The following KCNK16 variants were observed in gnomAD, a reference collection of about 807,000 sequenced individuals.
KCNK16 encodes potassium channel subfamily K member 16.
A neutral mutation model predicts 23.0 loss-of-function variants in KCNK16; 23 were observed. The ratio of observed to expected loss-of-function variants is 1.00; its 90% CI spans 0.72 to 1.41. The LOEUF is 1.41. Ranked by LOEUF, KCNK16 falls within the 40% of genes most tolerant of loss-of-function variation. The pLI, the probability that KCNK16 is intolerant of heterozygous loss-of-function variation, is 0.00. For synonymous variants in KCNK16, 145 were observed against 153.5 expected, an observed-to-expected ratio of 0.94 and a Z score of 0.41; for missense variants, 327 against 365.8, an observed-to-expected ratio of 0.89 and a Z score of 0.87.
downstream of KCNK16, chr6:39,315,279 G>A: frequency 4.4e-6 from 7 of 1,579,992 alleles, no homozygotes; most frequent in Non-Finnish European, 6.0e-6. Context: ...GCCAGACCTG[G>A]AGAATGCATT....
rs1324848111 is a variant in KCNK16, at chr6:39,319,399, C to G, written c.214-266G>C. Among the ~76,000 whole-genome samples, 3 of 152,076 alleles carry G rather than the reference C, an allele frequency of 2.0e-5. No homozygotes were observed. The highest frequency in any genetic ancestry group is 4.4e-5 in the Non-Finnish European group (3 of 68,022). ...CTGAGGTGTGGGCTGCAAGCATGGG[C>G]TGGGGCGGGAGATGGGCCTGAGGGG... is the stretch of plus-strand genomic sequence containing the variant. On this transcript the variant is annotated intron_variant, in intron 1 of 4. Transcript: ENST00000437525. This position sits in a 1 kb window ranked among gnomAD's most constrained non-coding sequence, Gnocchi z 4.2.
intron 1 of KCNK16, among the ~76,000 whole-genome samples, chr6:39,321,294 G>A (rs1299441451): frequency 6.6e-6 from 1 of 152,232 alleles, no homozygotes; most frequent in South Asian, 2.1e-4. Context: ...GCTAATTTGT[G>A]TGGTGAAGAC....
downstream of KCNK16, chr6:39,315,275 C>T: frequency 6.3e-7 from 1 of 1,584,346 alleles, no homozygotes; most frequent in Non-Finnish European, 8.6e-7. Context: ...AAAGGCCAGA[C>T]CTGGAGAATG....
chr6:39,318,362 C>T (rs1762402531), intron 2 of KCNK16, among the ~76,000 whole-genome samples: 2 of 152,174 alleles, frequency 1.3e-5, no homozygotes, highest in South Asian at 4.1e-4. Context: ...CCCCCAACTC[C>T]ATCACTCTGC....
rs770475707 is a variant in KCNK16, at chr6:39,317,883, A to G, written c.398T>C (p.Ile133Thr). 6.2e-7 allele frequency: 1 copy of G among 1,613,876 alleles called. No homozygotes were observed. The highest frequency in any genetic ancestry group is 1.3e-5 in the African/African-American group (1 of 75,030). ...VFCVFYALLGIPLNVIFLNHL... is the reference protein window; with the variant it reads ...VFCVFYALLGTPLNVIFLNHL... ...GTTGAGGAAGATCACGTTAAGCGGGATGCCCAACAGGGCATAGAAGACACA... is the reference window on the plus strand; with the variant it reads ...GTTGAGGAAGATCACGTTAAGCGGGGTGCCCAACAGGGCATAGAAGACACA... The change falls in exon 3 of 5, where the codon ATC (isoleucine) becomes ACC (threonine). Residue 133 changes from isoleucine to threonine, a missense_variant. By Grantham distance (89) the Ile-to-Thr change is moderately conservative. Transcript: ENST00000437525.
At chr6:39,320,876 C>T (rs1278938784) in intron 1 of KCNK16, among the ~76,000 whole-genome samples, 3 of 152,202 alleles carry the variant, frequency 2.0e-5, no homozygotes, top group Non-Finnish European at 2.9e-5. Context: ...AGGGCCTCTG[C>T]CTTACTCCCA....
Position 39,319,679 on chromosome 6 carries a change from T to C in KCNK16, c.214-546A>G, listed in dbSNP as rs1562090969. On this transcript the variant is annotated intron_variant, in intron 1 of 4. Coordinates refer to ENST00000437525, the MANE Select transcript of KCNK16 (RefSeq NM_001135106.2). The surrounding 1 kb of genome is among the most constrained non-coding windows in gnomAD (Gnocchi z 4.2). Reference sequence around the variant, plus strand: ...GGCACCCTTGCTCTTTGCTGCTCTCTAGTGAGCCTCAGCCCTTGCCTATGG... The same window carrying C: ...GGCACCCTTGCTCTTTGCTGCTCTCCAGTGAGCCTCAGCCCTTGCCTATGG... 6.6e-6 allele frequency among the ~76,000 whole-genome samples: 1 copy of C among 151,998 alleles called. No individual in the cohort carries two copies. The highest frequency in any genetic ancestry group is 1.9e-4 in the East Asian group (1 of 5,192).
Position 39,316,377 on chromosome 6 carries a change from C to T in KCNK16, c.727G>A (p.Gly243Ser). 4 of 1,612,838 alleles carry T rather than the reference C, an allele frequency of 2.5e-6. No homozygotes were observed. Among genetic ancestry groups the T allele is most frequent in the Non-Finnish European group, 3.4e-6 (4 of 1,179,552 alleles). Residue 243 changes from glycine to serine, a missense_variant, in exon 5 of 5, where the codon GGC (glycine) becomes AGC (serine). Transcript: ENST00000437525. ...AGGATCAGCGCCAGCCACGCCAGGC[C>T]CAGGAGGATCCAGATGGCTGCCAGG... Reference protein sequence around the residue: ...RSLAAIWILLGLAWLALILPL... With the variant: ...RSLAAIWILLSLAWLALILPL...
At chr6:39,322,742 A>C (rs1055126372), upstream of KCNK16, 5 of 758,816 alleles carry the variant, frequency 6.6e-6, no homozygotes, top group East Asian at 1.1e-4. Context: ...CTGTGAGTGC[A>C]AACAGGCCGG....
intron 3 of KCNK16, among the ~76,000 whole-genome samples, 172 bp from the exon 4 acceptor site, chr6:39,317,119 C>G (rs1762347749): frequency 6.6e-6 from 1 of 152,208 alleles, no homozygotes; most frequent in Non-Finnish European, 1.5e-5. Context: ...GACCTTGTCC[C>G]ACCCAGGGAA....
chr6:39,320,567 A>G (rs1380840333), intron 1 of KCNK16, among the ~76,000 whole-genome samples: 1 of 152,162 alleles, frequency 6.6e-6, no homozygotes, highest in East Asian at 1.9e-4. Context: ...GTTCAACAGG[A>G]ATGTGTCTTC....
upstream of KCNK16, chr6:39,322,846 G>GTC (rs777253670): frequency 5.6e-5 from 21 of 374,298 alleles, no homozygotes; most frequent in East Asian, 1.3e-4. Context: ...AGTGCTTCAT[G>GTC]TCTCTCTCTC....
intron 4 of KCNK16, 133 bp from the exon 5 acceptor site, chr6:39,316,575 C>T: frequency 1.6e-6 from 2 of 1,266,408 alleles, no homozygotes; most frequent in Non-Finnish European, 2.2e-6. Context: ...TGAGGTAGGT[C>T]TCTGCAGGGT....
chr6:39,315,158 G>GC, downstream of KCNK16: 1 of 1,614,250 alleles, frequency 6.2e-7, no homozygotes. Context: ...CCACATAGGA[G>GC]CCCACTTGCT....
Position 39,317,946 on chromosome 6 carries a change from C to G in KCNK16, c.335G>C (p.Gly112Ala). ...TGCCTCTGTGCTGGGTGCCAGGTTC[C>G]CATATCCTGCAAGGGAAGGGGGGCG... ...AGTVVTTIGY[G>A]NLAPSTEAGQ... Residue 112 changes from glycine (G) to alanine (A), a missense_variant, in exon 3 of 5, where the codon GGG becomes GCG. Coordinates refer to ENST00000437525, the MANE Select transcript of KCNK16 (RefSeq NM_001135106.2). 1 of 1,603,206 alleles carries G rather than the reference C, an allele frequency of 6.2e-7. No homozygotes were observed. Among genetic ancestry groups the G allele is most frequent in the Non-Finnish European group, 8.5e-7 (1 of 1,173,740 alleles).
upstream of KCNK16, chr6:39,322,754 C>A (rs571103235): frequency 3.1e-6 from 2 of 635,360 alleles, no homozygotes; most frequent in African/African-American, 1.8e-5. Context: ...ACAGGCCGGC[C>A]ACCCCCACCC....
chr6:39,322,315 C>A lies in KCNK16; in HGVS notation c.213+13G>T. 6.2e-7 allele frequency: 1 copy of A among 1,606,482 alleles called. No homozygotes were observed. The highest frequency in any genetic ancestry group is 1.3e-5 in the African/African-American group (1 of 74,920). ...AAGCCTCTCCATCCCAATCCCACATCGCTCCCCTTCACCTGCACAAACTGC... is the reference window on the plus strand; with the variant it reads ...AAGCCTCTCCATCCCAATCCCACATAGCTCCCCTTCACCTGCACAAACTGC... On this transcript the variant is annotated intron_variant, in intron 1 of 4. Coordinates refer to ENST00000437525, the MANE Select transcript of KCNK16 (RefSeq NM_001135106.2).
rs112232325 is a variant in KCNK16, at chr6:39,322,396, A to G, written c.145T>C (p.Leu49=). The stretch of plus-strand genomic sequence containing the variant: ...TTCTCCAGGAAGCGCAGCTTCTCCA[A>G]CTGAAACTGGTCCCTGGACTGAGCC... The part of the protein sequence containing the change: ...AEAQSRDQFQ[L]EKLRFLENYT... The change falls in exon 1 of 5, where the codon TTG becomes CTG. Residue 49 remains leucine (L), a synonymous_variant. Transcript: ENST00000437525. The G allele has an allele frequency of 6.2e-6, 10 of 1,614,000 alleles. No individual in the cohort carries two copies. The highest frequency in any genetic ancestry group is 8.5e-6 in the Non-Finnish European group (10 of 1,180,026).
intron 1 of KCNK16, among the ~76,000 whole-genome samples, chr6:39,321,307 G>A (rs1011607489): frequency 1.3e-5 from 2 of 152,210 alleles, no homozygotes; most frequent in Non-Finnish European, 2.9e-5. Flanking sequence ...GTGAAGACCC[G>A]GGGCTCCAGA....
Sources: allele counts gnomAD v4.1 joint callset (sites outside exome capture counted in the v4.1 genomes callset), GRCh38; gene constraint gnomAD v4.1.1; non-coding constraint Gnocchi (gnomAD v3.1); transcripts MANE v1.5; gene names NCBI Gene and HGNC (gene_info 2026-07-23, HGNC 2026-07-21).